The following GRM8 variants were observed in gnomAD, a reference collection of about 807,000 sequenced individuals.
GRM8 encodes metabotropic glutamate receptor 8.
A neutral mutation model predicts 87.2 loss-of-function variants in GRM8; 47 were observed. The ratio of observed to expected loss-of-function variants is 0.54; its 90% CI spans 0.43 to 0.69. GRM8 has a LOEUF of 0.69. Ranked by LOEUF, GRM8 falls within the 30% of genes least tolerant of loss-of-function variation. GRM8 has a pLI of 0.00. For missense variants in GRM8, 1,019 were observed against 1,139.2 expected (o/e 0.89, Z 1.52); for synonymous variants, 396 against 404.5 (o/e 0.98, Z 0.25).
chr7:126,721,257 C>CA (rs1470037598), intron 7 of GRM8, among the ~76,000 whole-genome samples: 1 of 152,140 alleles, frequency 6.6e-6, no homozygotes, highest in Non-Finnish European at 1.5e-5. Context: ...TCTACACAAT[C>CA]AAAAATCTTT....
intron 7 of GRM8, among the ~76,000 whole-genome samples, chr7:126,763,784 A>G (rs1443554000): frequency 6.6e-6 from 1 of 151,884 alleles, no homozygotes; most frequent in Non-Finnish European, 1.5e-5. Flanking sequence ...AAATTCCAGA[A>G]AATACTCCCT....
chr7:126,947,834 G>A (rs1807711326), intron 3 of GRM8, among the ~76,000 whole-genome samples: 1 of 152,124 alleles, frequency 6.6e-6, no homozygotes, highest in Non-Finnish European at 1.5e-5. Flanking sequence ...AGTTGCCATT[G>A]GAGACTCCTT....
chr7:126,801,763 G>C (rs1367594244), intron 6 of GRM8, among the ~76,000 whole-genome samples: 1 of 152,024 alleles, frequency 6.6e-6, no homozygotes, highest in African/African-American at 2.4e-5. Context: ...TAAGTAGAGA[G>C]GGCTCACCCT....
intron 9 of GRM8, among the ~76,000 whole-genome samples, chr7:126,523,413 A>G (rs1163082155): frequency 6.6e-6 from 1 of 151,944 alleles, no homozygotes; most frequent in African/African-American, 2.4e-5. Context: ...TTTAGATAGT[A>G]TCTATTGGCT....
intron 7 of GRM8, among the ~76,000 whole-genome samples, chr7:126,616,960 G>A (rs1799568422): frequency 6.6e-6 from 1 of 152,138 alleles, no homozygotes; most frequent in South Asian, 2.1e-4. Context: ...ATGAGGAGCT[G>A]GTACCATTCC....
At chr7:127,047,755 C>CCA (rs1819082764) in intron 3 of GRM8, among the ~76,000 whole-genome samples, 1 of 152,022 alleles carries the variant, frequency 6.6e-6, no homozygotes, top group Non-Finnish European at 1.5e-5. Context: ...CACATGAGAA[C>CCA]CAGAGGTTGA....
chr7:126,770,664 G>A (rs1818743296), intron 6 of GRM8, among the ~76,000 whole-genome samples: 1 of 152,042 alleles, frequency 6.6e-6, no homozygotes, highest in Admixed American at 6.6e-5. Flanking sequence ...CAAAATGAAT[G>A]TCATTCAGAA....
intron 7 of GRM8, chr7:126,701,677 G>C (rs1188093578): frequency 2.0e-6 from 1 of 494,714 alleles, no homozygotes; most frequent in Non-Finnish European, 3.8e-6. Context: ...GTAAAATATT[G>C]TGAGAATTTT....
intron 7 of GRM8, among the ~76,000 whole-genome samples, chr7:126,635,154 TAA>T (rs1801721444): frequency 6.6e-6 from 1 of 152,204 alleles, no homozygotes; most frequent in South Asian, 2.1e-4. Context: ...GAAAGTAGAA[TAA>T]GTCAATAATT....
intron 8 of GRM8, among the ~76,000 whole-genome samples, chr7:126,590,094 G>A (rs993486970): frequency 4.9e-5 from 7 of 143,856 alleles, no homozygotes; most frequent in African/African-American, 1.6e-4. Context: ...AGGCAGCAGA[G>A]AAAGGTGAAG....
chr7:126,670,606 T>C (rs905622370), intron 7 of GRM8, among the ~76,000 whole-genome samples: 1 of 152,232 alleles, frequency 6.6e-6, no homozygotes, highest in Non-Finnish European at 1.5e-5. Flanking sequence ...TATACAACTT[T>C]AACAGGTACT....
At chr7:126,821,264 T>C (rs1408752394) in intron 6 of GRM8, among the ~76,000 whole-genome samples, 1 of 152,212 alleles carries the variant, frequency 6.6e-6, no homozygotes, top group African/African-American at 2.4e-5. Context: ...TCTATTCTCT[T>C]CATCTAATGC....
rs79550227 is a variant in GRM8, at chr7:126,742,335, T to C, written c.1357+27530A>G. ...CATACTGGCTATGCTCAAAAGTCTA[T>C]GTACCACCAGAGAGGCTGAAAAGGC... On this transcript the variant is annotated intron_variant, in intron 7 of 10. Coordinates refer to ENST00000339582, the MANE Select transcript of GRM8 (RefSeq NM_000845.3). Among the ~76,000 whole-genome samples, 1,027 of 152,178 alleles carry C rather than the reference T, an allele frequency of 6.7e-3. 12 individuals are homozygous for C. The highest frequency in any genetic ancestry group is 0.023 in the African/African-American group (957 of 41,530).
chr7:127,054,627 G>C (rs1563457952), intron 3 of GRM8, among the ~76,000 whole-genome samples: 1 of 152,164 alleles, frequency 6.6e-6, no homozygotes, highest in Non-Finnish European at 1.5e-5. Context: ...TACCCAAAAG[G>C]CTAGTGAATA....
At chr7:126,701,277 A>T (rs1359900778) in intron 7 of GRM8, among the ~76,000 whole-genome samples, 1 of 152,166 alleles carries the variant, frequency 6.6e-6, no homozygotes, top group Non-Finnish European at 1.5e-5. Flanking sequence ...TCACACAGAC[A>T]TCCTGCACGC....
chr7:127,066,426 G>A (rs1415544337), intron 3 of GRM8, among the ~76,000 whole-genome samples: 1 of 152,142 alleles, frequency 6.6e-6, no homozygotes, highest in East Asian at 1.9e-4. Flanking sequence ...GTTAACCTTT[G>A]TGTAGCATTT....
At chr7:126,725,303 G>C (rs1260591467) in intron 7 of GRM8, among the ~76,000 whole-genome samples, 1 of 152,180 alleles carries the variant, frequency 6.6e-6, no homozygotes, top group Admixed American at 6.5e-5. Flanking sequence ...TTACAACTGA[G>C]CAAAGAACAT....
intron 2 of GRM8, among the ~76,000 whole-genome samples, chr7:127,124,657 C>T (rs1180215397): frequency 6.6e-6 from 1 of 152,140 alleles, no homozygotes; most frequent in Non-Finnish European, 1.5e-5. Context: ...TGCAAACCTA[C>T]TACCAATTGG....
chr7:127,156,360 T>C (rs1295164859), intron 2 of GRM8, among the ~76,000 whole-genome samples: 1 of 152,158 alleles, frequency 6.6e-6, no homozygotes, highest in Non-Finnish European at 1.5e-5. Flanking sequence ...CCCTAAACGG[T>C]TCCTCCACCT....
Sources: gnomAD v4.1 joint callset for allele counts (sites outside exome capture counted in the v4.1 genomes callset) on GRCh38, gnomAD v4.1.1 for gene constraint, MANE v1.5 for transcripts, NCBI Gene and HGNC (gene_info 2026-07-23, HGNC 2026-07-21) for gene names.